Variants in ITGA8 observed in about 807,000 individuals in gnomAD.
ITGA8 encodes integrin subunit alpha 8, also known as integrin alpha-8.
In ITGA8, 91 loss-of-function variants were observed where a neutral mutation model predicts 142.3. The observed-to-expected ratio is 0.64, with a 90% CI of 0.54 to 0.76. ITGA8 has a LOEUF of 0.76. Ranked by LOEUF, ITGA8 falls within the 30% of genes least tolerant of loss-of-function variation. ITGA8 has a pLI of 0.00. For missense variants in ITGA8, 1,406 were observed against 1,327.7 expected, an observed-to-expected ratio of 1.06 and a Z score of -0.92; for synonymous variants, 505 against 485.2, an observed-to-expected ratio of 1.04 and a Z score of -0.54.
At chr10:15,533,247 A>G (rs116692531) in intron 27 of ITGA8, among the ~76,000 whole-genome samples, 1,650 of 152,310 alleles carry the variant, frequency 0.011, 24 homozygotes, top group African/African-American at 0.038. Context: ...TAACTTTTAT[A>G]TACTTAAAGT....
At chr10:15,703,670 C>G (rs967200182) in intron 2 of ITGA8, among the ~76,000 whole-genome samples, 7 of 152,114 alleles carry the variant, frequency 4.6e-5, no homozygotes, top group African/African-American at 1.4e-4. Flanking sequence ...ACAACGTTGA[C>G]CTCATCTTCT....
rs143458742 is a variant in ITGA8, at chr10:15,642,341, C to T, written c.1399+1689G>A. On this transcript the variant is annotated intron_variant, in intron 13 of 29. Coordinates refer to ENST00000378076, the MANE Select transcript of ITGA8 (RefSeq NM_003638.3). Reference sequence around the variant, plus strand: ...CAAAGGACTGGCTATGTGATGGATACATCCTCTATTTCCTTTGCCTCATCA... The same window carrying T: ...CAAAGGACTGGCTATGTGATGGATATATCCTCTATTTCCTTTGCCTCATCA... Among the ~76,000 whole-genome samples, 45 of 152,282 alleles carry T rather than the reference C, an allele frequency of 3.0e-4. No homozygotes were observed. The East Asian group carries it at 8.1e-3, about 27-fold the overall frequency.
intron 25 of ITGA8, among the ~76,000 whole-genome samples, chr10:15,561,699 G>C (rs1241994280): frequency 6.6e-6 from 1 of 152,208 alleles, no homozygotes; most frequent in African/African-American, 2.4e-5. Flanking sequence ...GGAGCTGGAG[G>C]AATAATCCTC....
At chr10:15,699,906 T>C (rs1339630978) in intron 2 of ITGA8, among the ~76,000 whole-genome samples, 1 of 152,224 alleles carries the variant, frequency 6.6e-6, no homozygotes, top group Non-Finnish European at 1.5e-5. Context: ...TTCCTGACTT[T>C]TAGTAAGGCT....
At chr10:15,638,619 A>T (rs1833814374) in intron 13 of ITGA8, among the ~76,000 whole-genome samples, 1 of 152,344 alleles carries the variant, frequency 6.6e-6, no homozygotes, top group East Asian at 1.9e-4. Flanking sequence ...TGCTGTTGAT[A>T]AGTGTGGCTT....
In ITGA8 at chr10:15,605,744, G is replaced by C; in HGVS notation, c.1950C>G (p.Asp650Glu). 6.2e-7 allele frequency: 1 copy of C among 1,613,420 alleles called. No homozygotes were observed. Among genetic ancestry groups the C allele is most frequent in the South Asian group, 1.1e-5 (1 of 91,066 alleles). The change falls in exon 19 of 30, where the codon GAC (aspartate) becomes GAG (glutamate). Residue 650 changes from aspartate (D) to glutamate (E), a missense_variant. By Grantham distance (45) the Asp-to-Glu change is conservative. Transcript: ENST00000378076. ...CTTACGGTCTAGCCGACAGCTTCAA[G>C]TCAGGAACACACAGATTGTCTTCTC... Reference protein sequence around the residue: ...DCGEDNLCVPDLKLSARPDKH... With the variant: ...DCGEDNLCVPELKLSARPDKH...
chr10:15,530,909 C>T, intron 28 of ITGA8, 141 bp downstream of exon 28: 1 of 526,590 alleles, frequency 1.9e-6, no homozygotes, highest in Non-Finnish European at 3.3e-6. Flanking sequence ...ATTACCAGAC[C>T]AATGTAAGAA....
chr10:15,626,923 T>A (rs1356527764), intron 13 of ITGA8, among the ~76,000 whole-genome samples: 1 of 152,134 alleles, frequency 6.6e-6, no homozygotes, highest in Non-Finnish European at 1.5e-5. Context: ...CTGTGATGTG[T>A]GATGGCAGCC....
At chr10:15,584,295 G>T (rs368884184) in intron 23 of ITGA8, among the ~76,000 whole-genome samples, 1 of 147,694 alleles carries the variant, frequency 6.8e-6, no homozygotes, top group African/African-American at 2.5e-5. Context: ...AGACTGTCAA[G>T]AAAAAGAAAA....
rs138731651 is a variant in ITGA8, at chr10:15,595,511, G to T, written c.2211+1696C>A. 7.1e-4 allele frequency among the ~76,000 whole-genome samples: 108 copies of T among 152,260 alleles called. 3 individuals carry two copies. The East Asian group carries it at 0.019, about 27-fold the overall frequency. On this transcript the variant is annotated intron_variant, in intron 21 of 29. Transcript: ENST00000378076. ...ACAATTTACTTCCCTGACTTCTAAA[G>T]ACTATTTGCTGGCAAAATGAATTGA...
chr10:15,620,672 T>A (rs1227069275), intron 13 of ITGA8, among the ~76,000 whole-genome samples: 1 of 152,200 alleles, frequency 6.6e-6, no homozygotes, highest in Admixed American at 6.5e-5. Context: ...ACCTTAAAAT[T>A]GTCAGATCTC....
intron 6 of ITGA8, among the ~76,000 whole-genome samples, chr10:15,675,235 A>G (rs1834605025): frequency 6.6e-6 from 1 of 152,172 alleles, no homozygotes; most frequent in African/African-American, 2.4e-5. Context: ...GGGTATCTCA[A>G]ATATTTTCAT....
chr10:15,647,194 CT>C lies in ITGA8; in HGVS notation c.1002-144del, dbSNP rs1198085837. 7.9e-6 allele frequency: 5 copies of C among 634,026 alleles called. No individual in the cohort carries two copies. In the African/African-American group the frequency reaches 9.1e-5, roughly 12 times the overall value. The allele number at this position is 634,026 out of a possible 1,614,324, so 39.3% of individuals were successfully genotyped here. A position where few individuals can be genotyped will look rare whatever the true frequency, so the allele number is the denominator to read the frequency against. On this transcript the variant is annotated intron_variant, in intron 11 of 29. Transcript: ENST00000378076. ...TTTTACAATCATCAGATTGCTTTCG[CT>C]GCTTTGTTATATCTATGGAATCGAA...
intron 8 of ITGA8, among the ~76,000 whole-genome samples, chr10:15,662,356 A>G (rs906244207): frequency 2.6e-5 from 2 of 77,778 alleles, no homozygotes; most frequent in South Asian, 6.3e-4. Context: ...TTTTTTTTTA[A>G]ACAGGGTCTT....
chr10:15,652,100 T>C (rs1306773737), intron 11 of ITGA8, among the ~76,000 whole-genome samples: 1 of 152,264 alleles, frequency 6.6e-6, no homozygotes, highest in Non-Finnish European at 1.5e-5. Context: ...ATTATTACTT[T>C]ATAACAGTTC....
At chr10:15,585,339 G>A (rs916412492) in intron 23 of ITGA8, among the ~76,000 whole-genome samples, 3 of 152,194 alleles carry the variant, frequency 2.0e-5, no homozygotes, top group Admixed American at 2.0e-4. Flanking sequence ...ACCTGTACAA[G>A]GAGGATACTA....
intron 17 of ITGA8, among the ~76,000 whole-genome samples, chr10:15,607,207 G>A (rs1328532598): frequency 6.6e-6 from 1 of 152,126 alleles, no homozygotes; most frequent in Non-Finnish European, 1.5e-5. Context: ...ATTTCGGTAG[G>A]TTTTGAAGTC....
At chr10:15,532,430 A>AAAAAGAAAAG (rs1588628087) in intron 27 of ITGA8, among the ~76,000 whole-genome samples, 1 of 135,018 alleles carries the variant, frequency 7.4e-6, no homozygotes. Flanking sequence ...AAAAAAAAAA[A>AAAAAGAAAAG]AAAAAAAAAA....
chr10:15,567,758 C>T lies in ITGA8; in HGVS notation c.2637+4453G>A, dbSNP rs114979790. 9.3e-3 allele frequency among the ~76,000 whole-genome samples: 1,423 copies of T among 152,272 alleles called. 17 individuals are homozygous for T. Among genetic ancestry groups the T allele is most frequent in the African/African-American group, 0.032 (1,347 of 41,564 alleles). On this transcript the variant is annotated intron_variant, in intron 25 of 29. Transcript: ENST00000378076. ...CCCTGGGGACAATTCACAGGGGAAACACCAGTTGTGCAGCTCACCCAGCCC... is the reference window on the plus strand; with the variant it reads ...CCCTGGGGACAATTCACAGGGGAAATACCAGTTGTGCAGCTCACCCAGCCC...
Sources: allele counts gnomAD v4.1 joint callset (sites outside exome capture counted in the v4.1 genomes callset), GRCh38; gene constraint gnomAD v4.1.1; transcripts MANE v1.5; gene names NCBI Gene and HGNC (gene_info 2026-07-23, HGNC 2026-07-21).